PIK3CB: variants seen among roughly 807,000 people sequenced by gnomAD.
PIK3CB encodes the protein phosphatidylinositol-4,5-bisphosphate 3-kinase catalytic subunit beta, also known as phosphatidylinositol 4,5-bisphosphate 3-kinase catalytic subunit beta isoform.
In PIK3CB, 39 loss-of-function variants were observed where a neutral mutation model predicts 136.8. That is an observed-to-expected ratio of 0.29 (90% CI 0.22 to 0.37). PIK3CB has a LOEUF of 0.37. Among genes scored for constraint, PIK3CB ranks in the 10% least tolerant of loss-of-function variants. The pLI, the probability that PIK3CB is intolerant of heterozygous loss-of-function variation, is 1.00. For missense variants in PIK3CB, 868 were observed against 1,275.4 expected, an observed-to-expected ratio of 0.68 and a Z score of 4.87; for synonymous variants, 428 against 436.6, an observed-to-expected ratio of 0.98 and a Z score of 0.25.
At chr3:138,700,206 A>T (rs994753903) in intron 12 of PIK3CB, among the ~76,000 whole-genome samples, 2 of 152,130 alleles carry the variant, frequency 1.3e-5, no homozygotes, top group Non-Finnish European at 2.9e-5. Context: ...TGGGCAACAA[A>T]GCGAGACACT....
intron 4 of PIK3CB, among the ~76,000 whole-genome samples, chr3:138,751,971 TAAAAAA>T (rs11328258): frequency 1.7e-5 from 2 of 114,676 alleles, no homozygotes; most frequent in Admixed American, 8.9e-5. Flanking sequence ...ACTCTGTATA[TAAAAAA>T]AAAAAAAAAA....
At chr3:138,773,565 T>A (rs1279828923) in intron 2 of PIK3CB, among the ~76,000 whole-genome samples, 1 of 152,162 alleles carries the variant, frequency 6.6e-6, no homozygotes, top group Non-Finnish European at 1.5e-5. Flanking sequence ...CTAGCCTCTT[T>A]AAAATATGCC....
intron 21 of PIK3CB, 73 bp from the exon 22 acceptor site, chr3:138,657,908 G>T (rs1362251649): frequency 3.5e-6 from 5 of 1,434,830 alleles, no homozygotes; most frequent in Non-Finnish European, 4.7e-6. Context: ...AACCTCCATA[G>T]TCCTAGACCC....
chr3:138,806,802 C>A (rs150151680), intron 1 of PIK3CB, among the ~76,000 whole-genome samples: 1 of 152,168 alleles, frequency 6.6e-6, no homozygotes, highest in Non-Finnish European at 1.5e-5. Flanking sequence ...AATGGTGATA[C>A]TGTACACAGC....
At chr3:138,823,388 G>A (rs1343634490) in intron 1 of PIK3CB, among the ~76,000 whole-genome samples, 6 of 151,702 alleles carry the variant, frequency 4.0e-5, no homozygotes, top group African/African-American at 1.5e-4. Flanking sequence ...GTCAGATGTA[G>A]TAGTAGACTG....
intron 13 of PIK3CB, among the ~76,000 whole-genome samples, chr3:138,698,331 G>T (rs2044179846): frequency 6.6e-6 from 1 of 152,138 alleles, no homozygotes; most frequent in African/African-American, 2.4e-5. Flanking sequence ...TGTTTGAATT[G>T]AATAAATGCC....
intron 19 of PIK3CB, among the ~76,000 whole-genome samples, chr3:138,671,526 G>C (rs921504293): frequency 6.6e-6 from 1 of 152,152 alleles, no homozygotes; most frequent in Non-Finnish European, 1.5e-5. Flanking sequence ...AAGACCTCTA[G>C]GTTCCAAAAA....
intron 12 of PIK3CB, 33 bp downstream of exon 12, chr3:138,704,410 A>G: frequency 6.9e-7 from 1 of 1,452,986 alleles, no homozygotes; most frequent in Non-Finnish European, 9.7e-7. Flanking sequence ...ACAACTCCAT[A>G]AGAAAGGGCC....
intron 8 of PIK3CB, among the ~76,000 whole-genome samples, chr3:138,727,054 A>C (rs558275934): frequency 6.6e-6 from 1 of 152,246 alleles, no homozygotes; most frequent in East Asian, 1.9e-4. Flanking sequence ...TCTTTAAAAA[A>C]ACAAAAAACA....
At chr3:138,825,312 T>C in intron 1 of PIK3CB, 1 of 496,352 alleles carries the variant, frequency 2.0e-6, no homozygotes, top group Non-Finnish European at 3.7e-6. Flanking sequence ...TGTCGGAGAA[T>C]TTAAAGCTGG....
intron 1 of PIK3CB, among the ~76,000 whole-genome samples, chr3:138,815,085 A>C (rs570113997): frequency 7.3e-6 from 1 of 137,174 alleles, no homozygotes; most frequent in African/African-American, 2.7e-5. Context: ...GCTTGCAGTG[A>C]GCCGTGATCG....
At chr3:138,731,982 CAA>C (rs61012273) in intron 8 of PIK3CB, among the ~76,000 whole-genome samples, 2 of 120,672 alleles carry the variant, frequency 1.7e-5, no homozygotes, top group African/African-American at 3.1e-5. Flanking sequence ...GACTCCATCT[CAA>C]AAAAAAAAAA....
intron 21 of PIK3CB, among the ~76,000 whole-genome samples, chr3:138,662,788 T>G (rs1174627613): frequency 6.6e-6 from 1 of 152,202 alleles, no homozygotes; most frequent in Non-Finnish European, 1.5e-5. Flanking sequence ...TTCCTGACTT[T>G]TTAATGATTG....
chr3:138,733,104 TGTAA>T lies in PIK3CB; in HGVS notation c.1050+253_1050+256del, dbSNP rs540934856. On this transcript the variant is annotated intron_variant, in intron 8 of 23. Transcript: ENST00000674063. Reference sequence around the variant, plus strand: ...TTCTATATAATATATAGAAGAAATATGTAATATATACTGGAAAAATAATGTCAAT... The same window carrying T: ...TTCTATATAATATATAGAAGAAATATTATATACTGGAAAAATAATGTCAAT... Among the ~76,000 whole-genome samples the T allele has an allele frequency of 3.5e-3, 535 of 151,030 alleles. 2 individuals carry two copies. Among genetic ancestry groups the T allele is most frequent in the Non-Finnish European group, 5.4e-3 (369 of 67,754 alleles).
rs553335359 is a variant in PIK3CB, at chr3:138,746,062, C to CA, written c.398-3282dup. ...AGGGGTTCGAGACCAGCCTGGGCAA[C>CA]ATAGTGAGACCTCATCTCTATAAAA... On this transcript the variant is annotated intron_variant, in intron 4 of 23. Transcript: ENST00000674063. Among the ~76,000 whole-genome samples the CA allele has an allele frequency of 2.7e-4, 41 of 152,022 alleles. No individual in the cohort carries two copies. The South Asian group carries it at 8.3e-3, about 31-fold the overall frequency.
At chr3:138,823,104 T>C (rs1045833920) in intron 1 of PIK3CB, among the ~76,000 whole-genome samples, 1 of 151,224 alleles carries the variant, frequency 6.6e-6, no homozygotes, top group Non-Finnish European at 1.5e-5. Context: ...CAATTTGTAA[T>C]GGTTTATGAA....
intron 19 of PIK3CB, among the ~76,000 whole-genome samples, chr3:138,676,555 A>G (rs1486623865): frequency 6.6e-6 from 1 of 152,242 alleles, no homozygotes; most frequent in Non-Finnish European, 1.5e-5. Context: ...ATCTATGTAT[A>G]GTTTTATAGC....
chr3:138,785,278 G>T (rs1358859833), intron 2 of PIK3CB, among the ~76,000 whole-genome samples: 2 of 150,340 alleles, frequency 1.3e-5, no homozygotes, highest in South Asian at 4.3e-4. Context: ...TCCAGGAGGT[G>T]GGGGGGCGCC....
rs1405576100 is a variant in PIK3CB, at chr3:138,656,233, C to T, written c.2984G>A (p.Arg995Gln). 6.2e-7 allele frequency: 1 copy of T among 1,614,124 alleles called. No individual in the cohort carries two copies. The highest frequency in any genetic ancestry group is 1.1e-5 in the South Asian group (1 of 91,078). The change falls in exon 23 of 24, where the codon CGG (arginine) becomes CAG (glutamine). Residue 995 changes from arginine (R) to glutamine (Q), a missense_variant. Arg to Gln is a conservative substitution (Grantham distance 43, BLOSUM62 1). Around this residue, in one of 4 missense-constraint regions of PIK3CB, gnomAD observed 88 missense variants for 147.8 expected, o/e 0.60. Transcript: ENST00000674063. Reference protein sequence around the residue: ...CCEDAYLILRRHGNLFITLFA... With the variant: ...CCEDAYLILRQHGNLFITLFA... ...GAGAGTGATGAAGAGATTCCCATGC[C>T]GTCGTAAAATCAGATATGCATCCTC...
Sources: allele counts gnomAD v4.1 joint callset (sites outside exome capture counted in the v4.1 genomes callset), GRCh38; gene constraint gnomAD v4.1.1; regional missense constraint gnomAD v4.1.1; transcripts MANE v1.5; gene names NCBI Gene and HGNC (gene_info 2026-07-23, HGNC 2026-07-21).